SCLT1: variants seen among roughly 807,000 people sequenced by gnomAD.
SCLT1 encodes sodium channel-associated protein 1.
A neutral mutation model predicts 112.8 loss-of-function variants in SCLT1; 78 were observed. The ratio of observed to expected loss-of-function variants is 0.69; its 90% CI spans 0.58 to 0.83. The LOEUF (loss-of-function observed/expected upper bound fraction) is 0.83, where lower values mean the gene tolerates loss of function less well. Ranked by LOEUF, SCLT1 falls within the 40% of genes least tolerant of loss-of-function variation. SCLT1 has a pLI of 0.00. For synonymous variants in SCLT1, 257 were observed against 254.7 expected, an observed-to-expected ratio of 1.01 and a Z score of -0.09; for missense variants, 747 against 770.4, an observed-to-expected ratio of 0.97 and a Z score of 0.36.
chr4:128,978,466 A>G (rs1352864446), intron 9 of SCLT1, among the ~76,000 whole-genome samples: 1 of 152,126 alleles, frequency 6.6e-6, no homozygotes, highest in East Asian at 1.9e-4. Context: ...AAAACAAGCA[A>G]CAAAAGTCAG....
chr4:129,028,506 C>A (rs1746354036), intron 5 of SCLT1, among the ~76,000 whole-genome samples: 1 of 152,148 alleles, frequency 6.6e-6, no homozygotes, highest in South Asian at 2.1e-4. Context: ...CCCTTCCTTA[C>A]ACCTTATACA....
chr4:128,938,627 T>C (rs781460470), intron 17 of SCLT1, among the ~76,000 whole-genome samples: 56 of 152,290 alleles, frequency 3.7e-4, no homozygotes, highest in Non-Finnish European at 6.2e-4. Flanking sequence ...TGGTCTAACA[T>C]CTCAGGTGGA....
intron 3 of SCLT1, among the ~76,000 whole-genome samples, chr4:128,878,906 T>C (rs1387339875): frequency 6.7e-6 from 1 of 150,044 alleles, no homozygotes; most frequent in Non-Finnish European, 1.5e-5. Flanking sequence ...TTTTTAGGGC[T>C]ATATACATAA....
In SCLT1 at chr4:129,044,068, A is replaced by C. The variant is rs765522485; in HGVS notation, c.103-17T>G. On this transcript the variant is annotated splice_polypyrimidine_tract_variant and intron_variant, in intron 2 of 20. Transcript: ENST00000281142. ...GACAGCTTTCTATAAAAGAATGTAC[A>C]TCTTAAAATGTGTTCTCACATCATT... 20 of 1,441,768 alleles carry C rather than the reference A, an allele frequency of 1.4e-5. No homozygotes were observed. Among genetic ancestry groups the C allele is most frequent in the Non-Finnish European group, 1.8e-5 (19 of 1,034,978 alleles). The allele number at this position is 1,441,768 out of a possible 1,614,324, so 89.3% of individuals were successfully genotyped here.
At chr4:128,924,959 C>T (rs1736176719) in intron 18 of SCLT1, among the ~76,000 whole-genome samples, 1 of 152,124 alleles carries the variant, frequency 6.6e-6, no homozygotes. Flanking sequence ...CTTTCTCCCT[C>T]ACTCCTCTCT....
Position 128,946,123 on chromosome 4 carries a change from A to G in SCLT1, c.1323T>C (p.Ser441=). The change falls in exon 16 of 21, where the codon AGT becomes AGC. Residue 441 remains serine (S), a synonymous_variant. Coordinates refer to ENST00000281142, the MANE Select transcript of SCLT1 (RefSeq NM_144643.4). ...GCATTTCTTCCAGTTTTCTGTAATC[A>G]CTCTCATTTCCTCTGCCTTCACGGT... The part of the protein sequence containing the change: ...KIYREGRGNE[S]DYRKLEEMHQ... 6.2e-7 allele frequency: 1 copy of G among 1,608,140 alleles called. No homozygotes were observed. Among genetic ancestry groups the G allele is most frequent in the Non-Finnish European group, 8.5e-7 (1 of 1,175,066 alleles).
chr4:129,089,848 C>T (rs1335437310), intron 1 of SCLT1, among the ~76,000 whole-genome samples: 3 of 144,422 alleles, frequency 2.1e-5, no homozygotes, highest in Middle Eastern at 3.3e-3. Context: ...GAACACCACA[C>T]ACCGGGGCCT....
At chr4:128,902,240 C>T (rs1185788554) in intron 18 of SCLT1, among the ~76,000 whole-genome samples, 1 of 152,154 alleles carries the variant, frequency 6.6e-6, no homozygotes, top group African/African-American at 2.4e-5. Flanking sequence ...TTAGTTTCCA[C>T]AGTATCTACC....
At chr4:128,905,626 G>C (rs974811372) in intron 18 of SCLT1, among the ~76,000 whole-genome samples, 3 of 152,056 alleles carry the variant, frequency 2.0e-5, no homozygotes, top group Admixed American at 6.6e-5. Flanking sequence ...TGCTGAGGTA[G>C]CTTTTCAATA....
chr4:129,012,773 T>G (rs1017327222), intron 5 of SCLT1, among the ~76,000 whole-genome samples: 1 of 139,316 alleles, frequency 7.2e-6, no homozygotes, highest in Non-Finnish European at 1.6e-5. Flanking sequence ...TTTACCATTA[T>G]GTAATGCCAT....
chr4:129,090,337 AAAC>A (rs1230219765), intron 1 of SCLT1, among the ~76,000 whole-genome samples: 1 of 152,234 alleles, frequency 6.6e-6, no homozygotes, highest in Non-Finnish European at 1.5e-5. Context: ...ATACATATAT[AAAC>A]AACTGCAAAG....
At chr4:129,022,118 C>G (rs74336461) in intron 5 of SCLT1, among the ~76,000 whole-genome samples, 10 of 152,234 alleles carry the variant, frequency 6.6e-5, no homozygotes, top group Admixed American at 5.9e-4. Flanking sequence ...AAGACCCCCC[C>G]ACAAAAAGCC....
chr4:128,929,693 A>G (rs1207739490), intron 18 of SCLT1, among the ~76,000 whole-genome samples: 2 of 152,230 alleles, frequency 1.3e-5, no homozygotes, highest in Non-Finnish European at 2.9e-5. Context: ...ATCCACACAC[A>G]TATGAACACA....
chr4:128,878,051 A>T (rs1732561120), intron 3 of SCLT1, among the ~76,000 whole-genome samples: 1 of 152,224 alleles, frequency 6.6e-6, no homozygotes, highest in Admixed American at 6.5e-5. Context: ...AAAGTTAGTT[A>T]CAGAAATACT....
intron 2 of SCLT1, among the ~76,000 whole-genome samples, chr4:129,055,834 AAAACAAAC>A (rs1553999342): frequency 7.9e-6 from 1 of 126,538 alleles, no homozygotes; most frequent in African/African-American, 2.5e-5. Context: ...AAAAAAAACA[AAAACAAAC>A]AAACAAACAA....
At chr4:128,927,594 T>C (rs968934421) in intron 18 of SCLT1, among the ~76,000 whole-genome samples, 3 of 150,136 alleles carry the variant, frequency 2.0e-5, no homozygotes, top group African/African-American at 7.4e-5. Context: ...AAAAGGAAAA[T>C]AATTTGAACT....
intron 2 of SCLT1, among the ~76,000 whole-genome samples, chr4:129,079,314 C>T (rs1337939481): frequency 6.6e-6 from 1 of 152,142 alleles, no homozygotes; most frequent in African/African-American, 2.4e-5. Context: ...GACCCTTCTG[C>T]CTATGACCCT....
chr4:128,993,777 A>G (rs1472620474), intron 8 of SCLT1, among the ~76,000 whole-genome samples: 2 of 152,092 alleles, frequency 1.3e-5, no homozygotes, highest in Non-Finnish European at 2.9e-5. Context: ...CATTTTTGCA[A>G]CTTAGAGAAC....
intron 5 of SCLT1, among the ~76,000 whole-genome samples, chr4:129,035,732 A>C (rs1747122936): frequency 6.6e-6 from 1 of 152,100 alleles, no homozygotes; most frequent in Non-Finnish European, 1.5e-5. Flanking sequence ...AGGAGGAAAA[A>C]ATAGTATTGA....
Sources: allele counts gnomAD v4.1 joint callset (sites outside exome capture counted in the v4.1 genomes callset), GRCh38; gene constraint gnomAD v4.1.1; transcripts MANE v1.5; gene names NCBI Gene and HGNC (gene_info 2026-07-23, HGNC 2026-07-21).